Variants in CSMD1 observed in about 807,000 individuals in gnomAD.
CSMD1 encodes the protein CUB and sushi domain-containing protein 1.
Under a neutral mutation model 417.5 loss-of-function variants are expected in CSMD1, and 213 were observed. The observed-to-expected ratio is 0.51, with a 90% CI of 0.46 to 0.57. The LOEUF (loss-of-function observed/expected upper bound fraction) is 0.57. CSMD1 is among the 20% of genes least tolerant of loss of function. The pLI is 0.00. For synonymous variants in CSMD1, 2,862 were observed against 1,736.8 expected (o/e 1.65, Z -16.11); for missense variants, 6,923 against 4,529.7 (o/e 1.53, Z -15.17).
intron 1 of CSMD1, among the ~76,000 whole-genome samples, chr8:4,727,597 G>C (rs1373625991): frequency 6.6e-6 from 1 of 152,160 alleles, no homozygotes; most frequent in Non-Finnish European, 1.5e-5. Context: ...ACGTCTTCTA[G>C]CTGTTAATGA....
chr8:4,273,825 C>T (rs74403124), intron 3 of CSMD1, among the ~76,000 whole-genome samples: 5,217 of 152,202 alleles, frequency 0.034, 129 homozygotes, highest in African/African-American at 0.061. Context: ...GGTCACTTCT[C>T]CAAATGGTTG....
At chr8:4,481,525 G>C (rs1291422719) in intron 2 of CSMD1, among the ~76,000 whole-genome samples, 1 of 152,152 alleles carries the variant, frequency 6.6e-6, no homozygotes, top group Non-Finnish European at 1.5e-5. Flanking sequence ...CTGTTTTAAA[G>C]ATAGAGAAGG....
intron 1 of CSMD1, among the ~76,000 whole-genome samples, chr8:4,818,155 C>G (rs1271443823): frequency 2.6e-5 from 4 of 152,098 alleles, no homozygotes; most frequent in African/African-American, 7.2e-5. Context: ...ATTTATGTGA[C>G]AAATGAGATT....
At chr8:4,952,527 AT>A (rs773554651) in intron 1 of CSMD1, among the ~76,000 whole-genome samples, 5 of 152,032 alleles carry the variant, frequency 3.3e-5, no homozygotes, top group Admixed American at 6.6e-5. Flanking sequence ...CTTAAATTCT[AT>A]TTTTTCAATA....
At chr8:3,276,661 A>C (rs997461627) in intron 26 of CSMD1, among the ~76,000 whole-genome samples, 1 of 152,210 alleles carries the variant, frequency 6.6e-6, no homozygotes, top group African/African-American at 2.4e-5. Flanking sequence ...TATCATTATT[A>C]AAATAGCAGT....
At chr8:3,350,026 T>C (rs535506995) in intron 21 of CSMD1, among the ~76,000 whole-genome samples, 2 of 145,226 alleles carry the variant, frequency 1.4e-5, no homozygotes, top group Middle Eastern at 5.6e-3. Context: ...CTTGTGTATG[T>C]GTGTGTTATA....
intron 2 of CSMD1, among the ~76,000 whole-genome samples, chr8:4,561,934 G>A (rs1449772551): frequency 1.3e-5 from 2 of 152,104 alleles, no homozygotes; most frequent in Admixed American, 6.6e-5. Context: ...AAGGCCAGGC[G>A]TTTAGACACT....
intron 5 of CSMD1, among the ~76,000 whole-genome samples, chr8:3,765,421 C>T (rs1240421851): frequency 1.3e-5 from 2 of 152,172 alleles, no homozygotes; most frequent in African/African-American, 2.4e-5. Context: ...TCATAGGCTT[C>T]CCTGGAAGTT....
At chr8:3,941,583 T>G (rs1810885961) in intron 5 of CSMD1, among the ~76,000 whole-genome samples, 2 of 152,106 alleles carry the variant, frequency 1.3e-5, no homozygotes, top group South Asian at 2.1e-4. Context: ...TACCTACACA[T>G]TTCTATTAAT....
intron 1 of CSMD1, chr8:4,788,279 T>C (rs1408565059): frequency 3.1e-6 from 5 of 1,590,160 alleles, no homozygotes; most frequent in Admixed American, 3.5e-5. Flanking sequence ...GCATTCCTAC[T>C]GTATTTGTGG....
chr8:4,007,857 GTTTA>G (rs1816247103), intron 4 of CSMD1, among the ~76,000 whole-genome samples: 1 of 152,064 alleles, frequency 6.6e-6, no homozygotes, highest in Non-Finnish European at 1.5e-5. Context: ...AAGAAGAAAA[GTTTA>G]TTTAGTTATA....
intron 1 of CSMD1, among the ~76,000 whole-genome samples, chr8:4,764,611 A>C (rs1433560247): frequency 6.6e-6 from 1 of 152,048 alleles, no homozygotes; most frequent in South Asian, 2.1e-4. Flanking sequence ...AAGAGTGGAA[A>C]GATTTTTGTC....
chr8:4,131,205 A>C (rs1803081393), intron 3 of CSMD1, among the ~76,000 whole-genome samples: 1 of 152,156 alleles, frequency 6.6e-6, no homozygotes, highest in South Asian at 2.1e-4. Flanking sequence ...TTAAATAGAG[A>C]CGCCATTTCT....
intron 3 of CSMD1, among the ~76,000 whole-genome samples, chr8:4,201,474 C>T (rs1021421325): frequency 8.1e-5 from 10 of 124,174 alleles, no homozygotes; most frequent in African/African-American, 2.7e-4. Flanking sequence ...GGAGGCGGAG[C>T]TTGCAGTGAG....
intron 1 of CSMD1, among the ~76,000 whole-genome samples, chr8:4,907,249 G>A (rs1035733091): frequency 6.6e-6 from 1 of 152,082 alleles, no homozygotes. Flanking sequence ...CTACTTTTAA[G>A]AATAAATTAT....
intron 11 of CSMD1, among the ~76,000 whole-genome samples, chr8:3,472,639 T>G (rs994050291): frequency 6.6e-6 from 1 of 152,102 alleles, no homozygotes; most frequent in African/African-American, 2.4e-5. Flanking sequence ...GTGCCACATT[T>G]TTTTCCTGAA....
At chr8:4,793,418 C>A (rs1178000771) in intron 1 of CSMD1, among the ~76,000 whole-genome samples, 1 of 151,644 alleles carries the variant, frequency 6.6e-6, no homozygotes, top group African/African-American at 2.4e-5. Context: ...TCACCTTTTC[C>A]CTCCTCCCCC....
chr8:3,654,238 T>G (rs1304785860), intron 7 of CSMD1, among the ~76,000 whole-genome samples: 1 of 152,116 alleles, frequency 6.6e-6, no homozygotes, highest in Non-Finnish European at 1.5e-5. Context: ...TAAACCTTGG[T>G]TTTCAGGGAC....
At chr8:4,673,637 T>C (rs1805489821) in intron 1 of CSMD1, among the ~76,000 whole-genome samples, 1 of 152,166 alleles carries the variant, frequency 6.6e-6, no homozygotes, top group South Asian at 2.1e-4. Context: ...TCATGCTTTG[T>C]GGTTCTAGTC....
Sources: allele counts gnomAD v4.1 joint callset (sites outside exome capture counted in the v4.1 genomes callset), GRCh38; gene constraint gnomAD v4.1.1; transcripts MANE v1.5; gene names NCBI Gene and HGNC (gene_info 2026-07-23, HGNC 2026-07-21).